Variants in NRG1 observed in about 807,000 individuals in gnomAD.
The protein encoded by NRG1 is pro-neuregulin-1, membrane-bound isoform.
Under a neutral mutation model 63.8 loss-of-function variants are expected in NRG1, and 18 were observed. That is an observed-to-expected ratio of 0.28 (90% CI 0.19 to 0.42). The LOEUF is 0.42. Among genes scored for constraint, NRG1 ranks in the 10% least tolerant of loss-of-function variants. NRG1 has a pLI of 1.00. For missense variants in NRG1, 762 were observed against 814.7 expected, an observed-to-expected ratio of 0.94 and a Z score of 0.79; for synonymous variants, 302 against 301.3, an observed-to-expected ratio of 1.00 and a Z score of -0.02.
intron 1 of NRG1, among the ~76,000 whole-genome samples, chr8:31,920,883 GGTAGA>G (rs1563568658): frequency 1.0e-3 from 134 of 133,328 alleles, no homozygotes; most frequent in East Asian, 5.2e-3. Flanking sequence ...TAGATAGATA[GGTAGA>G]TAGATAGATA....
chr8:32,204,819 A>T (rs1843859017), intron 1 of NRG1, among the ~76,000 whole-genome samples: 1 of 152,176 alleles, frequency 6.6e-6, no homozygotes. Flanking sequence ...ATCATCTGAA[A>T]TCCCTCATTT....
At chr8:32,000,770 G>A (rs563062790) in intron 1 of NRG1, among the ~76,000 whole-genome samples, 69 of 152,006 alleles carry the variant, frequency 4.5e-4, no homozygotes, top group Non-Finnish European at 9.6e-4. Context: ...TTAGGTTGGT[G>A]CAACAGTGAT....
intron 1 of NRG1, among the ~76,000 whole-genome samples, chr8:31,810,105 A>T (rs781130538): frequency 1.3e-5 from 2 of 151,996 alleles, no homozygotes; most frequent in Non-Finnish European, 2.9e-5. Flanking sequence ...TACATTCTAC[A>T]TCCAATGTAT....
chr8:32,195,969 A>T (rs1327504120), intron 1 of NRG1, among the ~76,000 whole-genome samples: 1 of 152,174 alleles, frequency 6.6e-6, no homozygotes, highest in Non-Finnish European at 1.5e-5. Context: ...TGCAAAAGTA[A>T]TTGTGATTTT....
At chr8:32,716,364 G>T (rs948700687) in intron 5 of NRG1, among the ~76,000 whole-genome samples, 6 of 152,148 alleles carry the variant, frequency 3.9e-5, no homozygotes, top group Non-Finnish European at 8.8e-5. Flanking sequence ...CCTACCATTT[G>T]GTTTTCAATG....
rs35098830 is a variant in NRG1, at chr8:32,101,478, ATTTT to A, written c.37+462065_37+462068del. 4.5e-3 allele frequency among the ~76,000 whole-genome samples: 630 copies of A among 140,178 alleles called. 1 individual carries two copies. Among genetic ancestry groups the A allele is most frequent in the African/African-American group, 8.2e-3 (315 of 38,192 alleles). 92.0% of individuals were successfully genotyped at this position (140,178 alleles called of 152,430 possible). A position where few individuals can be genotyped will look rare whatever the true frequency, so the allele number is the denominator to read the frequency against. On this transcript the variant is annotated intron_variant, in intron 1 of 10. Coordinates refer to the NRG1 transcript ENST00000519301. ...ATACCTTCTTGTTTATAGAAAGCAG[ATTTT>A]TTTTTTTTTTTTTTTTTAGTAAAAG...
chr8:32,266,391 T>C (rs932175279), intron 1 of NRG1, among the ~76,000 whole-genome samples: 3 of 152,214 alleles, frequency 2.0e-5, no homozygotes, highest in Admixed American at 1.3e-4. Context: ...AGAATATTAA[T>C]ATCTAACAGC....
intron 1 of NRG1, among the ~76,000 whole-genome samples, chr8:32,270,983 T>C (rs1851482955): frequency 1.3e-5 from 2 of 152,186 alleles, no homozygotes; most frequent in African/African-American, 2.4e-5. Flanking sequence ...TTAAAGTAGG[T>C]CTTTTTATTT....
intron 1 of NRG1, among the ~76,000 whole-genome samples, chr8:32,383,691 T>A (rs1369686376): frequency 6.6e-6 from 1 of 152,200 alleles, no homozygotes; most frequent in Admixed American, 6.5e-5. Flanking sequence ...TGCGCCACCT[T>A]ACGTTTCACT....
In NRG1 at chr8:32,082,202, G is replaced by T. The variant is rs1001268808; in HGVS notation, c.37+442771G>T. ...ATAGGAGTATGTTTTCAACCTAGTGGTTTTTTTTTTTAATTTTTATTTTAG... is the reference window on the plus strand; with the variant it reads ...ATAGGAGTATGTTTTCAACCTAGTGTTTTTTTTTTTTAATTTTTATTTTAG... On this transcript the variant is annotated intron_variant, in intron 1 of 10. Coordinates refer to the NRG1 transcript ENST00000519301. 1.3e-4 allele frequency among the ~76,000 whole-genome samples: 19 copies of T among 147,792 alleles called. No individual in the cohort carries two copies. The South Asian group carries it at 1.5e-3, about 12-fold the overall frequency.
chr8:32,026,025 CAGTT>C (rs1817254167), intron 1 of NRG1, among the ~76,000 whole-genome samples: 1 of 149,792 alleles, frequency 6.7e-6, no homozygotes, highest in African/African-American at 2.4e-5. Context: ...TTAGTTTTAT[CAGTT>C]AGGTTTACAT....
chr8:32,313,990 C>T (rs761696075), intron 1 of NRG1, among the ~76,000 whole-genome samples: 1 of 152,140 alleles, frequency 6.6e-6, no homozygotes, highest in East Asian at 1.9e-4. Flanking sequence ...CCTCCCAATG[C>T]TGGCCAGGTC....
chr8:32,453,719 T>C (rs1759656307), intron 1 of NRG1, among the ~76,000 whole-genome samples: 1 of 152,210 alleles, frequency 6.6e-6, no homozygotes, highest in Admixed American at 6.5e-5. Context: ...GCATCGTTGT[T>C]GATACTCAAC....
intron 1 of NRG1, among the ~76,000 whole-genome samples, chr8:32,319,608 C>T (rs896385142): frequency 1.3e-5 from 2 of 152,116 alleles, no homozygotes; most frequent in Admixed American, 6.6e-5. Context: ...GTTCCCTATG[C>T]TGTCACTCCA....
intron 1 of NRG1, among the ~76,000 whole-genome samples, chr8:31,897,214 G>T (rs1044422494): frequency 6.6e-6 from 1 of 152,100 alleles, no homozygotes; most frequent in Non-Finnish European, 1.5e-5. Flanking sequence ...AACTAGTTCA[G>T]GCCATGATAG....
At chr8:31,805,118 C>A (rs967882143) in intron 1 of NRG1, among the ~76,000 whole-genome samples, 1 of 152,026 alleles carries the variant, frequency 6.6e-6, no homozygotes, top group East Asian at 1.9e-4. Context: ...TTATTATTAG[C>A]AACAGGTTTT....
At chr8:32,751,647 A>G (rs977682728) in intron 7 of NRG1, among the ~76,000 whole-genome samples, 1 of 152,194 alleles carries the variant, frequency 6.6e-6, no homozygotes, top group African/African-American at 2.4e-5. Flanking sequence ...GCTGATGTGA[A>G]TATAAGATTT....
At chr8:32,207,630 A>G (rs932383963) in intron 1 of NRG1, among the ~76,000 whole-genome samples, 2 of 152,200 alleles carry the variant, frequency 1.3e-5, no homozygotes, top group South Asian at 4.1e-4. Context: ...AAACATCATA[A>G]CAGCATATGG....
intron 1 of NRG1, among the ~76,000 whole-genome samples, chr8:32,190,126 T>C (rs1374659965): frequency 6.6e-6 from 1 of 151,968 alleles, no homozygotes; most frequent in East Asian, 1.9e-4. Flanking sequence ...GTCATGTTCC[T>C]GCACTAAGAA....
Sources: gnomAD v4.1 joint callset for allele counts (sites outside exome capture counted in the v4.1 genomes callset) on GRCh38, gnomAD v4.1.1 for gene constraint, MANE v1.5 for transcripts, NCBI Gene and HGNC (gene_info 2026-07-23, HGNC 2026-07-21) for gene names.